Variants in TEX11 observed in about 807,000 individuals in gnomAD.
The protein encoded by TEX11 is testis-expressed protein 11.
TEX11 carries 7 observed loss-of-function variants against 84.4 expected under a neutral mutation model. That is an observed-to-expected ratio of 0.08 (90% CI 0.05 to 0.16). The LOEUF (loss-of-function observed/expected upper bound fraction) is 0.16, where lower values mean the gene tolerates loss of function less well. Ranked by LOEUF, TEX11 falls within the 10% of genes least tolerant of loss-of-function variation. TEX11 has a pLI of 1.00. For synonymous variants in TEX11, 264 were observed against 222.8 expected (o/e 1.18, Z -1.64); for missense variants, 551 against 660.5 (o/e 0.83, Z 1.82).
intron 13 of TEX11, among the ~76,000 whole-genome samples, chrX:70,716,924 C>A (rs2090509843): frequency 8.9e-6 from 1 of 112,053 alleles, no homozygotes; most frequent in Non-Finnish European, 1.9e-5. Context: ...CTTGGCTCCA[C>A]CTCCAATTAA....
At chrX:70,734,870 A>T (rs1005535148) in intron 11 of TEX11, among the ~76,000 whole-genome samples, 2 of 111,781 alleles carry the variant, frequency 1.8e-5, no homozygotes, top group African/African-American at 6.5e-5. Context: ...CTAAACCCAC[A>T]GCTAACACCA....
At chrX:70,854,257 C>T (rs2091523165) in intron 5 of TEX11, among the ~76,000 whole-genome samples, 1 of 111,268 alleles carries the variant, frequency 9.0e-6, no homozygotes, top group Admixed American at 9.6e-5. Flanking sequence ...AATAACATGC[C>T]TTTTCAGTTT....
intron 9 of TEX11, among the ~76,000 whole-genome samples, chrX:70,761,450 G>A (rs200587210): frequency 8.9e-6 from 1 of 111,842 alleles, no homozygotes; most frequent in African/African-American, 3.2e-5. Context: ...ATGAGTTCAT[G>A]TCCTTTGTAG....
chrX:70,606,309 C>T (rs2089195159), intron 23 of TEX11, among the ~76,000 whole-genome samples: 1 of 112,043 alleles, frequency 8.9e-6, no homozygotes, highest in African/African-American at 3.2e-5. Context: ...TAATTGATCT[C>T]AACATATCAT....
In TEX11 at chrX:70,605,521, A is replaced by T. The variant is rs779874219; in HGVS notation, c.1951-4T>A. 3 of 1,144,452 alleles carry T rather than the reference A, an allele frequency of 2.6e-6. No individual in the cohort carries two copies. Among genetic ancestry groups the T allele is most frequent in the Non-Finnish European group, 3.6e-6 (3 of 836,309 alleles). The allele number at this position is 1,144,452 out of a possible 1,213,427, so 94.3% of individuals were successfully genotyped here. ...CAGAAGGACAAAACTGGGACATCTG[A>T]TAAGAAGTAACCAGAACATCAATGA... is the stretch of plus-strand genomic sequence containing the variant. On this transcript the variant is annotated splice_polypyrimidine_tract_variant and splice_region_variant and intron_variant, in intron 23 of 29. Transcript: ENST00000374333.
Position 70,893,308 on chromosome X carries a change from A to G in TEX11, c.38-13199T>C, listed in dbSNP as rs564005385. Among the ~76,000 whole-genome samples, 4 of 111,466 alleles carry G rather than the reference A, an allele frequency of 3.6e-5. No individual in the cohort carries two copies. In the South Asian group the frequency reaches 1.1e-3, roughly 31 times the overall value. ...TTGACCACATAATTGGAAGTAAAAT[A>G]CTCCTCAGCAAATGCAAAAGAACGG... On this transcript the variant is annotated intron_variant, in intron 2 of 29. Coordinates refer to ENST00000374333, the MANE Select transcript of TEX11 (RefSeq NM_031276.3).
At chrX:70,633,460 C>T (rs2089533850) in intron 17 of TEX11, among the ~76,000 whole-genome samples, 1 of 111,721 alleles carries the variant, frequency 9.0e-6, no homozygotes, top group African/African-American at 3.3e-5. Flanking sequence ...AATGCTTTCC[C>T]CCTAAAATCA....
chrX:70,758,503 C>G (rs1038366202), intron 9 of TEX11, among the ~76,000 whole-genome samples: 1 of 112,031 alleles, frequency 8.9e-6, no homozygotes, highest in Non-Finnish European at 1.9e-5. Flanking sequence ...ACTGAACAAC[C>G]TGCTCCTGAA....
chrX:70,880,221 G>T, intron 2 of TEX11, 112 bp from the exon 3 acceptor site: 1 of 479,179 alleles, frequency 2.1e-6, no homozygotes, highest in East Asian at 4.3e-5. Context: ...ACAGCATGAA[G>T]GAACTTGATC....
chrX:70,535,904 G>A (rs776945631), intron 28 of TEX11, among the ~76,000 whole-genome samples: 2 of 110,299 alleles, frequency 1.8e-5, no homozygotes, highest in Non-Finnish European at 3.8e-5. Context: ...ACTCCACCAG[G>A]CCTAAAATGT....
At chrX:70,743,871 A>AACACACACAC (rs60520158) in intron 10 of TEX11, among the ~76,000 whole-genome samples, 119 of 87,736 alleles carry the variant, frequency 1.4e-3, no homozygotes, top group African/African-American at 3.7e-3. Context: ...TCTATCTCAA[A>AACACACACAC]ACACACACAC....
chrX:70,706,846 A>C (rs766988193), intron 13 of TEX11, among the ~76,000 whole-genome samples: 3 of 110,860 alleles, frequency 2.7e-5, no homozygotes, highest in South Asian at 3.8e-4. Flanking sequence ...TAATCTCCCT[A>C]TCTCTCAAAT....
chrX:70,638,874 A>G (rs1443849872), intron 17 of TEX11, among the ~76,000 whole-genome samples: 1 of 110,756 alleles, frequency 9.0e-6, no homozygotes, highest in Non-Finnish European at 1.9e-5. Flanking sequence ...GCTCAAATAA[A>G]TAAAACAAGA....
chrX:70,779,596 AG>A (rs1428889758), intron 9 of TEX11, among the ~76,000 whole-genome samples: 2 of 110,822 alleles, frequency 1.8e-5, no homozygotes, highest in Non-Finnish European at 3.8e-5. Context: ...AAAATACAAT[AG>A]ATCAACGAAA....
At chrX:70,669,260 A>G (rs1388706476) in intron 16 of TEX11, among the ~76,000 whole-genome samples, 1 of 111,781 alleles carries the variant, frequency 8.9e-6, no homozygotes, top group Non-Finnish European at 1.9e-5. Flanking sequence ...TAGCATGTCT[A>G]CATCCAGATA....
chrX:70,756,515 C>A (rs757184772), intron 9 of TEX11, among the ~76,000 whole-genome samples: 2 of 112,062 alleles, frequency 1.8e-5, no homozygotes, highest in South Asian at 7.5e-4. Context: ...TCCAACAGAC[C>A]TGCAGCTGAG....
intron 16 of TEX11, among the ~76,000 whole-genome samples, chrX:70,657,487 C>T (rs1450620239): frequency 9.2e-6 from 1 of 108,151 alleles, no homozygotes; most frequent in African/African-American, 3.4e-5. Context: ...GCATCAGCAG[C>T]AGCAAAGTAT....
At chrX:70,709,743 A>C (rs1308908370) in intron 13 of TEX11, among the ~76,000 whole-genome samples, 1 of 107,074 alleles carries the variant, frequency 9.3e-6, no homozygotes, top group African/African-American at 3.4e-5. Context: ...ATTAATAAAC[A>C]ATATCAGGCT....
chrX:70,666,355 A>G (rs1312084265), intron 16 of TEX11, among the ~76,000 whole-genome samples: 1 of 112,145 alleles, frequency 8.9e-6, no homozygotes, highest in African/African-American at 3.2e-5. Context: ...AGAAGCATGA[A>G]AAAAGATACT....
Sources: allele counts gnomAD v4.1 joint callset (sites outside exome capture counted in the v4.1 genomes callset), GRCh38; gene constraint gnomAD v4.1.1; transcripts MANE v1.5; gene names NCBI Gene and HGNC (gene_info 2026-07-23, HGNC 2026-07-21).